ACP3: variants seen among roughly 807,000 people sequenced by gnomAD.
ACP3 encodes prostatic acid phosphatase.
Under a neutral mutation model 45.6 loss-of-function variants are expected in ACP3, and 38 were observed. The observed-to-expected ratio is 0.83, with a 90% CI of 0.64 to 1.09. The LOEUF (loss-of-function observed/expected upper bound fraction) is 1.09. Ranked by LOEUF, ACP3 falls within the 50% of genes least tolerant of loss-of-function variation. ACP3 has a pLI of 0.00. For missense variants in ACP3, 466 were observed against 463.2 expected (o/e 1.01, Z -0.05); for synonymous variants, 162 against 164.7 (o/e 0.98, Z 0.13).
At chr3:132,361,939 C>T (rs1308612107), downstream of ACP3, among the ~76,000 whole-genome samples, 2 of 152,132 alleles carry the variant, frequency 1.3e-5, no homozygotes, top group African/African-American at 4.8e-5. Context: ...CTGGCTCCTT[C>T]CCTTATACTA....
intron 6 of ACP3, among the ~76,000 whole-genome samples, chr3:132,343,106 T>G (rs1165825303): frequency 6.6e-6 from 1 of 152,238 alleles, no homozygotes; most frequent in African/African-American, 2.4e-5. Context: ...AACTTCTTTC[T>G]TGCTTTGCGA....
At chr3:132,354,260 C>G (rs1190135062) in intron 9 of ACP3, among the ~76,000 whole-genome samples, 1 of 152,116 alleles carries the variant, frequency 6.6e-6, no homozygotes, top group African/African-American at 2.4e-5. Context: ...GCTACTGACT[C>G]TACTCGTACC....
chr3:132,329,166 A>G (rs897677147), intron 2 of ACP3, among the ~76,000 whole-genome samples: 2 of 152,226 alleles, frequency 1.3e-5, no homozygotes, highest in Non-Finnish European at 2.9e-5. Context: ...CCACAAGGCC[A>G]GGTGAATTGC....
rs1401555019 is a variant in ACP3 at position 132,355,481 on chromosome 3, T to TTTC, written c.969-1203_969-1202insCTT. 2.0e-5 allele frequency among the ~76,000 whole-genome samples: 3 copies of TTTC among 147,190 alleles called. No individual in the cohort carries two copies. The East Asian group carries it at 8.2e-4, about 40-fold the overall frequency. On this transcript the variant is annotated intron_variant, in intron 9 of 9. Coordinates refer to ENST00000336375, the MANE Select transcript of ACP3 (RefSeq NM_001099.5). ...AAGTTTTATAGACATCTTATTTTAT[T>TTTC]TTATCTTATTTTATTTTATTTTATT...
At chr3:132,341,975 G>T (rs1197287368) in intron 5 of ACP3, among the ~76,000 whole-genome samples, 1 of 152,188 alleles carries the variant, frequency 6.6e-6, no homozygotes, top group Non-Finnish European at 1.5e-5. Flanking sequence ...CCTAGCGAAA[G>T]ATTTGCATTC....
chr3:132,326,535 G>A (rs1559829033), intron 1 of ACP3, among the ~76,000 whole-genome samples: 1 of 152,050 alleles, frequency 6.6e-6, no homozygotes, highest in Non-Finnish European at 1.5e-5. Context: ...CAAAATGATC[G>A]CTTAACATTT....
At chr3:132,367,817 A>G in exon 11 of ACP3, 1 of 1,608,626 alleles carries the variant, frequency 6.2e-7, no homozygotes. Flanking sequence ...CTATGGGAAC[A>G]TCTGAACAGA....
chr3:132,322,171 A>G (rs572931712), intron 1 of ACP3, among the ~76,000 whole-genome samples: 1 of 152,206 alleles, frequency 6.6e-6, no homozygotes, highest in Non-Finnish European at 1.5e-5. Context: ...ACCTTTTCTG[A>G]TATATCACAC....
chr3:132,331,549 C>T, intron 2 of ACP3, 98 bp from the exon 3 acceptor site: 1 of 859,156 alleles, frequency 1.2e-6, no homozygotes, highest in South Asian at 1.8e-5. Context: ...ATTGTTCATT[C>T]TACACACATA....
At chr3:132,349,288 C>T (rs1351856970) in intron 7 of ACP3, among the ~76,000 whole-genome samples, 2 of 152,198 alleles carry the variant, frequency 1.3e-5, no homozygotes, top group Non-Finnish European at 2.9e-5. Flanking sequence ...CTACTGAAGA[C>T]AGACAGAAAC....
In ACP3 at chr3:132,332,309, A is replaced by T. The variant is rs1377846123; in HGVS notation, c.421A>T (p.Ile141Phe). Residue 141 changes from isoleucine (I) to phenylalanine (F), a missense_variant, in exon 4 of 10, where the codon ATC becomes TTC. Coordinates refer to ENST00000336375, the MANE Select transcript of ACP3 (RefSeq NM_001099.5). ...IWNPILLWQP[I>F]PVHTVPLSED... ...GAATCCTATCCTACTCTGGCAGCCCATCCCGGTGCACACAGTTCCTCTTTC... is the reference window on the plus strand; with the variant it reads ...GAATCCTATCCTACTCTGGCAGCCCTTCCCGGTGCACACAGTTCCTCTTTC... 6.2e-7 allele frequency: 1 copy of T among 1,614,046 alleles called. No homozygotes were observed. The highest frequency in any genetic ancestry group is 8.5e-7 in the Non-Finnish European group (1 of 1,180,024).
Position 132,358,413 on chromosome 3 carries a change from A to G in ACP3, c.*1535A>G, listed in dbSNP as rs1452171461. 7.9e-7 allele frequency: 1 copy of G among 1,265,868 alleles called. No homozygotes were observed. Among genetic ancestry groups the G allele is most frequent in the African/African-American group, 1.5e-5 (1 of 65,578 alleles). The allele number at this position is 1,265,868 out of a possible 1,614,324, so 78.4% of individuals were successfully genotyped here. A position where few individuals can be genotyped will look rare whatever the true frequency, so the allele number is the denominator to read the frequency against. Reference sequence around the variant, plus strand: ...ATCTTCAGAAAACCTAAGCAAACTTACAGGTCCTGCTGAAACTGCCCACTC... The same window carrying G: ...ATCTTCAGAAAACCTAAGCAAACTTGCAGGTCCTGCTGAAACTGCCCACTC... On this transcript the variant is annotated 3_prime_UTR_variant, in exon 10 of 10. Transcript: ENST00000336375.
chr3:132,352,328 G>A (rs1937762347), intron 8 of ACP3, among the ~76,000 whole-genome samples: 1 of 151,146 alleles, frequency 6.6e-6, no homozygotes, highest in South Asian at 2.1e-4. Context: ...CTCCCAAGTA[G>A]CTGGATTTAC....
Position 132,331,677 on chromosome 3 carries a change from G to A in ACP3, c.247G>A (p.Glu83Lys). Residue 83 changes from glutamate (E) to lysine (K), a missense_variant, in exon 3 of 10, where the codon GAG becomes AAG. By Grantham distance (56) the Glu-to-Lys change is moderately conservative (BLOSUM62 1). Transcript: ENST00000336375. ...CATGGAGCAGCATTATGAACTTGGA[G>A]AGTATATAAGAAAGAGATATAGAAA... is the stretch of plus-strand genomic sequence containing the variant. ...LGMEQHYELG[E>K]YIRKRYRKFL... The A allele has an allele frequency of 6.2e-7, 1 of 1,605,054 alleles. No individual in the cohort carries two copies.
intron 5 of ACP3, 133 bp from the exon 6 acceptor site, chr3:132,342,419 C>T (rs977589095): frequency 1.5e-5 from 9 of 588,724 alleles, no homozygotes; most frequent in Non-Finnish European, 2.7e-5. Context: ...TGGGCAGAGG[C>T]CAGGATACTG....
intron 1 of ACP3, among the ~76,000 whole-genome samples, chr3:132,325,752 T>A (rs1937288482): frequency 6.6e-6 from 1 of 152,132 alleles, no homozygotes; most frequent in Admixed American, 6.6e-5. Context: ...TCACAGGTGG[T>A]TAAGTATGCT....
chr3:132,342,690 G>T, intron 6 of ACP3, 46 bp downstream of exon 6: 3 of 1,155,466 alleles, frequency 2.6e-6, no homozygotes, highest in Admixed American at 4.6e-5. Flanking sequence ...CTGATTTTAT[G>T]ATTTATGCTT....
chr3:132,328,915 G>A (rs77701227), intron 2 of ACP3, among the ~76,000 whole-genome samples: 171 of 152,304 alleles, frequency 1.1e-3, no homozygotes, highest in African/African-American at 3.7e-3. Context: ...TAATCAATAA[G>A]CTGAATCAAC....
At chr3:132,334,996 CA>C (rs1209899144) in intron 4 of ACP3, among the ~76,000 whole-genome samples, 10 of 151,824 alleles carry the variant, frequency 6.6e-5, no homozygotes, top group African/African-American at 2.4e-4. Flanking sequence ...CCATAAACTG[CA>C]AAATTCTGGA....
Sources: allele counts gnomAD v4.1 joint callset (sites outside exome capture counted in the v4.1 genomes callset), GRCh38; gene constraint gnomAD v4.1.1; transcripts MANE v1.5; gene names NCBI Gene and HGNC (gene_info 2026-07-23, HGNC 2026-07-21).